PDGFD: variants seen among roughly 807,000 people sequenced by gnomAD.
The protein encoded by PDGFD is platelet derived growth factor D, also known as platelet-derived growth factor D.
PDGFD carries 30 observed loss-of-function variants against 44.7 expected under a neutral mutation model. The ratio of observed to expected loss-of-function variants is 0.67; its 90% confidence interval spans 0.50 to 0.91. The LOEUF (loss-of-function observed/expected upper bound fraction) is 0.91. Ranked by LOEUF, PDGFD falls within the 40% of genes least tolerant of loss-of-function variation. The pLI is 0.00. For synonymous variants in PDGFD, 173 were observed against 168.4 expected (o/e 1.03, Z -0.21); for missense variants, 445 against 457.8 (o/e 0.97, Z 0.25).
chr11:104,148,284 A>C (rs1015711312), intron 1 of PDGFD, among the ~76,000 whole-genome samples: 4 of 152,198 alleles, frequency 2.6e-5, no homozygotes, highest in Non-Finnish European at 5.9e-5. Flanking sequence ...AAACGATGAG[A>C]TACAAAAACA....
chr11:104,030,000 T>C (rs780536724), intron 1 of PDGFD, among the ~76,000 whole-genome samples: 1 of 152,164 alleles, frequency 6.6e-6, no homozygotes, highest in Non-Finnish European at 1.5e-5. Context: ...AGTGGAAAAT[T>C]CCACACCTGA....
chr11:104,069,223 A>C lies in PDGFD; in HGVS notation c.125-68968T>G, dbSNP rs73608331. Among the ~76,000 whole-genome samples, 557 of 152,320 alleles carry C rather than the reference A, an allele frequency of 3.7e-3. 4 individuals carry two copies. The highest frequency in any genetic ancestry group is 0.013 in the African/African-American group (528 of 41,562). On this transcript the variant is annotated intron_variant, in intron 1 of 6. Transcript: ENST00000393158. Reference sequence around the variant, plus strand: ...GCACAGGTCAATTATTTTCTAGAATAATCATCAATTTAGGTTTGTCTGATG... The same window carrying C: ...GCACAGGTCAATTATTTTCTAGAATCATCATCAATTTAGGTTTGTCTGATG...
Position 104,134,388 on chromosome 11 carries a change from T to C in PDGFD, c.124+29416A>G, listed in dbSNP as rs76836166. Among the ~76,000 whole-genome samples the C allele has an allele frequency of 6.8e-3, 1,033 of 152,298 alleles. 14 individuals are homozygous for C. The highest frequency in any genetic ancestry group is 0.023 in the African/African-American group (970 of 41,558). ...AGTATACTATTAAAGGAAATTATTGTGTTGGATTAGAAAATTGATCACATA... is the reference window on the plus strand; with the variant it reads ...AGTATACTATTAAAGGAAATTATTGCGTTGGATTAGAAAATTGATCACATA... On this transcript the variant is annotated intron_variant, in intron 1 of 6. Transcript: ENST00000393158.
intron 3 of PDGFD, among the ~76,000 whole-genome samples, chr11:103,969,432 G>A (rs78489905): frequency 0.011 from 1,574 of 148,436 alleles, 26 homozygotes; most frequent in African/African-American, 0.037. Context: ...TACTTCCTTG[G>A]CAGAAAGAGA....
At chr11:103,932,683 GA>G (rs1243839127) in intron 5 of PDGFD, among the ~76,000 whole-genome samples, 3 of 152,210 alleles carry the variant, frequency 2.0e-5, no homozygotes, top group African/African-American at 7.2e-5. Context: ...AGGTGCTGCT[GA>G]AGGAAGCACA....
At chr11:104,130,047 C>A (rs1161685995) in intron 1 of PDGFD, among the ~76,000 whole-genome samples, 1 of 149,230 alleles carries the variant, frequency 6.7e-6, no homozygotes, top group Non-Finnish European at 1.5e-5. Context: ...GTAAACCACT[C>A]AGCATAGGGA....
At chr11:104,109,469 AG>A (rs1037319176) in intron 1 of PDGFD, among the ~76,000 whole-genome samples, 12 of 152,192 alleles carry the variant, frequency 7.9e-5, no homozygotes, top group African/African-American at 2.7e-4. Context: ...GCTAAAAAAA[AG>A]TCTTTTTGGA....
At chr11:103,911,053 G>C (rs4587700) in intron 6 of PDGFD, among the ~76,000 whole-genome samples, 1 of 151,778 alleles carries the variant, frequency 6.6e-6, no homozygotes, top group East Asian at 1.9e-4. Context: ...TTTTGGGCAG[G>C]TCATCTCTGA....
At chr11:104,004,220 T>C (rs1021044243) in intron 1 of PDGFD, among the ~76,000 whole-genome samples, 5 of 152,194 alleles carry the variant, frequency 3.3e-5, no homozygotes, top group Non-Finnish European at 7.3e-5. Context: ...TTCCTTCTTA[T>C]GTAGTTTGAT....
At chr11:104,033,176 A>G (rs1005332299) in intron 1 of PDGFD, among the ~76,000 whole-genome samples, 1 of 152,038 alleles carries the variant, frequency 6.6e-6, no homozygotes, top group Non-Finnish European at 1.5e-5. Flanking sequence ...AATTATACAT[A>G]TGGTATTTGA....
At chr11:103,939,203 C>A (rs1458419058) in intron 5 of PDGFD, among the ~76,000 whole-genome samples, 1 of 152,028 alleles carries the variant, frequency 6.6e-6, no homozygotes, top group Admixed American at 6.6e-5. Context: ...AATGTTCTTC[C>A]ATTTCTTTGT....
chr11:104,109,586 G>T (rs1421825384), intron 1 of PDGFD, among the ~76,000 whole-genome samples: 1 of 152,050 alleles, frequency 6.6e-6, no homozygotes, highest in South Asian at 2.1e-4. Flanking sequence ...TTTGCACAAA[G>T]AATATACAAG....
chr11:103,908,503 T>C lies in PDGFD; in HGVS notation c.*1191A>G, dbSNP rs1011060975. ...AGGAAATCAGAACAGTGAGCAAGTATACGATTAGAAATTTACATTAATAAA... is the reference window on the plus strand; with the variant it reads ...AGGAAATCAGAACAGTGAGCAAGTACACGATTAGAAATTTACATTAATAAA... On this transcript the variant is annotated 3_prime_UTR_variant, in exon 7 of 7. Transcript: ENST00000393158. The C allele has an allele frequency of 2.3e-4, 35 of 152,204 alleles. No individual in the cohort carries two copies. The highest frequency in any genetic ancestry group is 8.0e-4 in the African/African-American group (33 of 41,440). 9.4% of individuals were successfully genotyped at this position (152,204 alleles called of 1,614,324 possible).
intron 1 of PDGFD, among the ~76,000 whole-genome samples, chr11:104,080,906 G>T (rs900604691): frequency 6.6e-6 from 1 of 152,140 alleles, no homozygotes; most frequent in African/African-American, 2.4e-5. Context: ...AAAAACAGAG[G>T]CCTCCAGTCA....
intron 3 of PDGFD, among the ~76,000 whole-genome samples, chr11:103,986,207 A>C (rs994293910): frequency 2.0e-5 from 3 of 152,086 alleles, no homozygotes; most frequent in African/African-American, 7.2e-5. Flanking sequence ...TAATTCCTTC[A>C]TTCACCTAGG....
intron 3 of PDGFD, among the ~76,000 whole-genome samples, chr11:103,976,512 C>T (rs766388578): frequency 2.0e-5 from 3 of 152,062 alleles, no homozygotes; most frequent in Non-Finnish European, 4.4e-5. Context: ...TATCTGAATA[C>T]CCTTTATTTC....
At chr11:104,025,782 A>G (rs1404407683) in intron 1 of PDGFD, among the ~76,000 whole-genome samples, 1 of 152,194 alleles carries the variant, frequency 6.6e-6, no homozygotes, top group African/African-American at 2.4e-5. Context: ...GTCTGCTTCA[A>G]AAGAACAAGC....
At chr11:104,038,593 T>TC (rs1860295710) in intron 1 of PDGFD, 1 of 167,188 alleles carries the variant, frequency 6.0e-6, no homozygotes, top group Non-Finnish European at 1.5e-5. Flanking sequence ...CACCTTCCCT[T>TC]CCCCTGGATC....
chr11:103,943,472 T>C lies in PDGFD; in HGVS notation c.752A>G (p.Tyr251Cys), dbSNP rs1858618975. ...LDTPRYRGRS[Y>C]HDRKSKVDLD... ...CTTACCTTTTGACTTCCGGTCATGG[T>C]ATGACCTGCCTCGATACCGAGGGGT... The change falls in exon 5 of 7, where the codon TAC (tyrosine) becomes TGC (cysteine). Residue 251 changes from tyrosine (Y) to cysteine (C), a missense_variant. Coordinates refer to ENST00000393158, the MANE Select transcript of PDGFD (RefSeq NM_025208.5). The C allele has an allele frequency of 6.2e-7, 1 of 1,612,322 alleles. No homozygotes were observed. The highest frequency in any genetic ancestry group is 1.3e-5 in the African/African-American group (1 of 74,868).
Sources: allele counts gnomAD v4.1 joint callset (sites outside exome capture counted in the v4.1 genomes callset), GRCh38; gene constraint gnomAD v4.1.1; transcripts MANE v1.5; gene names NCBI Gene and HGNC (gene_info 2026-07-23, HGNC 2026-07-21).